The following GALNT13 variants were observed in gnomAD, a reference collection of about 807,000 sequenced individuals.
GALNT13 encodes polypeptide N-acetylgalactosaminyltransferase 13.
In GALNT13, 28 loss-of-function variants were observed where a neutral mutation model predicts 64.2. The ratio of observed to expected loss-of-function variants is 0.44; its 90% CI spans 0.32 to 0.60. The LOEUF (loss-of-function observed/expected upper bound fraction) is 0.60, where lower values mean the gene tolerates loss of function less well. GALNT13 is among the 20% of genes least tolerant of loss of function. The pLI is 0.05. For missense variants in GALNT13, 577 were observed against 669.8 expected (o/e 0.86, Z 1.53); for synonymous variants, 214 against 224.6 (o/e 0.95, Z 0.42).
At chr2:153,725,811 T>G in the GALNT13 span, among the ~76,000 whole-genome samples, 1 of 114,524 alleles carries the variant, frequency 8.7e-6, no homozygotes, top group Non-Finnish European at 1.7e-5. Flanking sequence ...AGAAGTGTTT[T>G]GTGCTGAATG....
At chr2:153,235,140 G>C in the GALNT13 span, among the ~76,000 whole-genome samples, 1 of 152,050 alleles carries the variant, frequency 6.6e-6, no homozygotes, top group Non-Finnish European at 1.5e-5. Context: ...ACAACAGGTA[G>C]TTGCCCTCTG....
At chr2:153,571,784 C>G in the GALNT13 span, among the ~76,000 whole-genome samples, 1 of 151,934 alleles carries the variant, frequency 6.6e-6, no homozygotes, top group Non-Finnish European at 1.5e-5. Context: ...TCTTTGCATC[C>G]CAGGGATAAA....
At chr2:154,096,121 T>G (rs1702061313) in intron 3 of GALNT13, among the ~76,000 whole-genome samples, 3 of 151,990 alleles carry the variant, frequency 2.0e-5, no homozygotes, top group Non-Finnish European at 4.4e-5. Context: ...ATGATACATA[T>G]TTTTACACAA....
chr2:154,269,926 T>TATATATATATATATATATATATATATA (rs1356571076), intron 8 of GALNT13, among the ~76,000 whole-genome samples: 32 of 33,316 alleles, frequency 9.6e-4, no homozygotes, highest in East Asian at 4.6e-3. Context: ...ATATATATAT[T>TATATATATATATATATATATATATATA]TCTAAAGCAC....
At chr2:153,597,801 A>G in the GALNT13 span, among the ~76,000 whole-genome samples, 5 of 152,170 alleles carry the variant, frequency 3.3e-5, no homozygotes, top group African/African-American at 1.2e-4. Flanking sequence ...AAAATGAGCA[A>G]CTCTAAAAAA....
intron 4 of GALNT13, among the ~76,000 whole-genome samples, chr2:154,213,709 C>T (rs1415214137): frequency 6.6e-6 from 1 of 151,774 alleles, no homozygotes; most frequent in Non-Finnish European, 1.5e-5. Context: ...GCTTGGAAGC[C>T]ATTTTTCTGA....
chr2:154,121,904 G>A (rs1439991114), intron 3 of GALNT13, among the ~76,000 whole-genome samples: 2 of 151,996 alleles, frequency 1.3e-5, no homozygotes, highest in Admixed American at 6.6e-5. Context: ...TGGTAGGAGA[G>A]GAATTCCTTG....
At chr2:154,118,805 A>G (rs946055206) in intron 3 of GALNT13, among the ~76,000 whole-genome samples, 10 of 152,120 alleles carry the variant, frequency 6.6e-5, no homozygotes, top group Admixed American at 2.0e-4. Context: ...TCTGATAAGA[A>G]CTTAAATTTT....
At chr2:153,575,249 A>G in the GALNT13 span, among the ~76,000 whole-genome samples, 1 of 152,132 alleles carries the variant, frequency 6.6e-6, no homozygotes, top group Admixed American at 6.5e-5. Flanking sequence ...TGAGCCACCT[A>G]AAGCTGCAGG....
At position 154,405,197 on chromosome 2, in the gene GALNT13, G is replaced by A. The variant is rs545995509; in HGVS notation, c.1297-3787G>A. 1.7e-4 allele frequency among the ~76,000 whole-genome samples: 26 copies of A among 152,060 alleles called. 1 individual carries two copies. Among genetic ancestry groups the A allele is most frequent in the Non-Finnish European group, 2.4e-4 (16 of 67,984 alleles). On this transcript the variant is annotated intron_variant, in intron 10 of 12. Coordinates refer to ENST00000392825, the MANE Select transcript of GALNT13 (RefSeq NM_052917.4). ...CATAAATTTAGAAAAACTGAAATGT[G>A]CAAGTATAATGCAGGAAAGAATTAG...
At chr2:154,240,860 G>C (rs1362093587) in intron 4 of GALNT13, among the ~76,000 whole-genome samples, 1 of 152,150 alleles carries the variant, frequency 6.6e-6, no homozygotes, top group Non-Finnish European at 1.5e-5. Flanking sequence ...TTGAGTGGAG[G>C]TAGCTCTCAG....
the GALNT13 span, among the ~76,000 whole-genome samples, chr2:153,228,639 C>A: frequency 6.6e-6 from 1 of 152,018 alleles, no homozygotes; most frequent in South Asian, 2.1e-4. Context: ...CTTTGGGAGG[C>A]CGAGGCAGGT....
At chr2:153,681,801 G>T in the GALNT13 span, among the ~76,000 whole-genome samples, 1 of 151,718 alleles carries the variant, frequency 6.6e-6, no homozygotes, top group Non-Finnish European at 1.5e-5. Flanking sequence ...TAAAACATAA[G>T]CACCAAAGGC....
the GALNT13 span, among the ~76,000 whole-genome samples, chr2:153,537,505 A>G: frequency 2.0e-5 from 3 of 152,186 alleles, no homozygotes; most frequent in Non-Finnish European, 4.4e-5. Context: ...AGAAAACATC[A>G]AGACTGTGTT....
chr2:153,980,192 A>G (rs1027370528), intron 3 of GALNT13, among the ~76,000 whole-genome samples: 5 of 152,206 alleles, frequency 3.3e-5, no homozygotes, highest in Admixed American at 3.3e-4. Flanking sequence ...GGCTAGTGAC[A>G]TGGTCAAATC....
At chr2:153,688,751 A>G in the GALNT13 span, among the ~76,000 whole-genome samples, 7 of 152,132 alleles carry the variant, frequency 4.6e-5, no homozygotes, top group East Asian at 1.4e-3. Context: ...TGTAACATGC[A>G]TTCATGTTGT....
chr2:153,207,260 A>G, the GALNT13 span, among the ~76,000 whole-genome samples: 1 of 152,072 alleles, frequency 6.6e-6, no homozygotes, highest in East Asian at 1.9e-4. Context: ...TCTTTCCATG[A>G]TGCGTTTTAC....
At chr2:153,602,288 A>T in the GALNT13 span, among the ~76,000 whole-genome samples, 10 of 151,846 alleles carry the variant, frequency 6.6e-5, no homozygotes, top group Admixed American at 4.6e-4. Context: ...TAGTGAGCAA[A>T]AATTCTCCAA....
chr2:153,759,951 A>T, the GALNT13 span, among the ~76,000 whole-genome samples: 1 of 152,084 alleles, frequency 6.6e-6, no homozygotes, highest in African/African-American at 2.4e-5. Flanking sequence ...GGGAGACTTT[A>T]TTACTGATTC....
Sources: gnomAD v4.1 joint callset for allele counts (sites outside exome capture counted in the v4.1 genomes callset) on GRCh38, gnomAD v4.1.1 for gene constraint, MANE v1.5 for transcripts, NCBI Gene and HGNC (gene_info 2026-07-23, HGNC 2026-07-21) for gene names.